TENM4: variants seen among roughly 807,000 people sequenced by gnomAD.
TENM4 encodes the protein teneurin-4.
Under a neutral mutation model 243.3 loss-of-function variants are expected in TENM4, and 82 were observed. The observed-to-expected ratio is 0.34, with a 90% CI of 0.28 to 0.40. TENM4 has a LOEUF of 0.40. TENM4 is among the 10% of genes least tolerant of loss of function. The pLI, the probability that TENM4 is intolerant of heterozygous loss-of-function variation, is 1.00. For synonymous variants in TENM4, 1,412 were observed against 1,456.3 expected, an observed-to-expected ratio of 0.97 and a Z score of 0.69; for missense variants, 3,138 against 3,673.3, an observed-to-expected ratio of 0.85 and a Z score of 3.77.
intron 7 of TENM4, among the ~76,000 whole-genome samples, chr11:78,898,240 A>G (rs148861634): frequency 1.1e-3 from 172 of 152,356 alleles, no homozygotes; most frequent in African/African-American, 3.8e-3. Context: ...TGGCAGGTGC[A>G]GAGAAAGGAG....
intron 4 of TENM4, among the ~76,000 whole-genome samples, chr11:79,095,695 A>C (rs2137063218): frequency 6.6e-6 from 1 of 152,310 alleles, no homozygotes; most frequent in East Asian, 1.9e-4. Context: ...GAAGCCATAA[A>C]GTTCTCAGTT....
chr11:79,401,392 C>A (rs1417625221), intron 1 of TENM4, among the ~76,000 whole-genome samples: 4 of 152,168 alleles, frequency 2.6e-5, no homozygotes, highest in Non-Finnish European at 5.9e-5. Context: ...GGCTGTCTAA[C>A]CCCGGAGCCT....
intron 4 of TENM4, among the ~76,000 whole-genome samples, chr11:79,143,400 A>G (rs1289355485): frequency 6.6e-6 from 1 of 152,108 alleles, no homozygotes; most frequent in Non-Finnish European, 1.5e-5. Context: ...GCTGGAAACC[A>G]TCATTCTGAG....
intron 18 of TENM4, among the ~76,000 whole-genome samples, chr11:78,767,489 A>G (rs1293618151): frequency 1.3e-5 from 2 of 152,244 alleles, no homozygotes; most frequent in Non-Finnish European, 2.9e-5. Flanking sequence ...TAGGTTCACA[A>G]GGCCATGTGG....
At chr11:79,426,498 C>T (rs890125589) in intron 1 of TENM4, among the ~76,000 whole-genome samples, 1 of 152,198 alleles carries the variant, frequency 6.6e-6, no homozygotes, top group African/African-American at 2.4e-5. Context: ...GGCCAAATGC[C>T]TCACACAATT....
chr11:79,287,502 T>C (rs12283129), intron 2 of TENM4, among the ~76,000 whole-genome samples: 1,735 of 152,272 alleles, frequency 0.011, 37 homozygotes, highest in African/African-American at 0.04. Context: ...CATGAATGTC[T>C]AGTAAACACT....
intron 1 of TENM4, among the ~76,000 whole-genome samples, chr11:79,409,060 TTGTGTGTGTGTGTG>T (rs559211499): frequency 2.1e-4 from 30 of 141,984 alleles, no homozygotes; most frequent in East Asian, 6.4e-4. Context: ...GAGGGATATT[TTGTGTGTGTGTGTG>T]TGTGTGTGTG....
chr11:78,764,749 C>T (rs1038121814), intron 18 of TENM4, among the ~76,000 whole-genome samples: 5 of 152,276 alleles, frequency 3.3e-5, no homozygotes, highest in Admixed American at 2.0e-4. Context: ...AAAAGAGTCA[C>T]GCCTCTAAAG....
chr11:79,391,815 A>G (rs544649), intron 1 of TENM4, among the ~76,000 whole-genome samples: 69,121 of 151,974 alleles, frequency 0.45, 15,632 homozygotes, highest in African/African-American at 0.48. Flanking sequence ...TCTGAAACAC[A>G]CCTCACCCCA....
chr11:79,421,712 A>G (rs144209364), intron 1 of TENM4, among the ~76,000 whole-genome samples: 86 of 152,316 alleles, frequency 5.6e-4, no homozygotes, highest in Middle Eastern at 3.4e-3. Context: ...AATTAAAAAA[A>G]AAAAAAAACA....
At chr11:78,812,047 T>C (rs1857512418) in intron 14 of TENM4, 75 bp downstream of exon 14, 3 of 1,482,606 alleles carry the variant, frequency 2.0e-6, no homozygotes, top group Admixed American at 2.1e-5. Context: ...CCCTGCTCCC[T>C]GGTCACCCTC....
At chr11:78,958,436 T>C (rs746504006) in intron 6 of TENM4, among the ~76,000 whole-genome samples, 7 of 152,250 alleles carry the variant, frequency 4.6e-5, no homozygotes, top group Non-Finnish European at 8.8e-5. Flanking sequence ...CTAGTTGATA[T>C]TTTAGTGAAA....
intron 2 of TENM4, among the ~76,000 whole-genome samples, chr11:79,227,090 A>T (rs552565125): frequency 3.9e-5 from 6 of 152,334 alleles, no homozygotes; most frequent in Admixed American, 3.9e-4. Context: ...AGATGAGCAG[A>T]CAGCAGCCAG....
At chr11:79,409,603 C>G (rs1373684709) in intron 1 of TENM4, among the ~76,000 whole-genome samples, 3 of 152,300 alleles carry the variant, frequency 2.0e-5, no homozygotes, top group African/African-American at 7.2e-5. Flanking sequence ...GCTGCCCCCT[C>G]TAGTCCAGGT....
intron 1 of TENM4, among the ~76,000 whole-genome samples, chr11:79,377,453 A>G (rs1171284049): frequency 2.0e-5 from 3 of 152,186 alleles, no homozygotes; most frequent in African/African-American, 7.2e-5. Flanking sequence ...TCTCATTCAC[A>G]GCTAACCCTG....
chr11:78,805,008 A>G (rs1008117777), intron 15 of TENM4, among the ~76,000 whole-genome samples: 1 of 152,122 alleles, frequency 6.6e-6, no homozygotes, highest in Non-Finnish European at 1.5e-5. Context: ...ACATGAGATG[A>G]GAGTTCGGTG....
At chr11:78,990,185 C>G (rs570722525) in intron 6 of TENM4, among the ~76,000 whole-genome samples, 2 of 152,090 alleles carry the variant, frequency 1.3e-5, no homozygotes, top group Non-Finnish European at 2.9e-5. Context: ...TCACTTTGTT[C>G]TAACCCATAA....
In TENM4 at chr11:78,913,583, A is replaced by ATGTGTGTG. The variant is rs55835050; in HGVS notation, c.494-10068_494-10061dup. On this transcript the variant is annotated intron_variant, in intron 6 of 33. Transcript: ENST00000278550. Reference sequence around the variant, plus strand: ...GAACCATAGTTGATGGGTAAGAGGTATGTGTGTGTGTGTGTGTGTGTGTGT... The same window carrying ATGTGTGTG: ...GAACCATAGTTGATGGGTAAGAGGTATGTGTGTGTGTGTGTGTGTGTGTGTGTGTGTGT... Among the ~76,000 whole-genome samples, 408 of 141,918 alleles carry ATGTGTGTG rather than the reference A, an allele frequency of 2.9e-3. 2 individuals carry two copies. Among genetic ancestry groups the ATGTGTGTG allele is most frequent in the African/African-American group, 4.3e-3 (161 of 37,278 alleles). 93.1% of individuals were successfully genotyped at this position (141,918 alleles called of 152,430 possible). A position where few individuals can be genotyped will look rare whatever the true frequency, so the allele number is the denominator to read the frequency against.
intron 3 of TENM4, among the ~76,000 whole-genome samples, chr11:79,179,422 C>T (rs1290000995): frequency 6.6e-6 from 1 of 152,186 alleles, no homozygotes; most frequent in East Asian, 1.9e-4. Context: ...AGAGTCCCAA[C>T]AAAGTCAGAA....
Sources: gnomAD v4.1 joint callset for allele counts (sites outside exome capture counted in the v4.1 genomes callset) on GRCh38, gnomAD v4.1.1 for gene constraint, MANE v1.5 for transcripts, NCBI Gene and HGNC (gene_info 2026-07-23, HGNC 2026-07-21) for gene names.